LRFN5: variants seen among roughly 807,000 people sequenced by gnomAD.
LRFN5 encodes the protein leucine rich repeat and fibronectin type III domain containing 5, also known as leucine-rich repeat and fibronectin type-III domain-containing protein 5.
Under a neutral mutation model 45.6 loss-of-function variants are expected in LRFN5, and 24 were observed. The ratio of observed to expected loss-of-function variants is 0.53; its 90% CI spans 0.38 to 0.74. The LOEUF (loss-of-function observed/expected upper bound fraction) is 0.74. Among genes scored for constraint, LRFN5 ranks in the 30% least tolerant of loss-of-function variants. The pLI, the probability that LRFN5 is intolerant of heterozygous loss-of-function variation, is 0.00. For missense variants in LRFN5, 776 were observed against 861.5 expected, an observed-to-expected ratio of 0.90 and a Z score of 1.24; for synonymous variants, 340 against 313.8, an observed-to-expected ratio of 1.08 and a Z score of -0.88.
chr14:41,893,871 C>T, intron 4 of LRFN5: 1 of 985,248 alleles, frequency 1.0e-6, no homozygotes, highest in Non-Finnish European at 1.2e-6. Context: ...TCCTTCACTG[C>T]CCAGTTATTT....
chr14:41,841,295 A>C (rs1040227683), intron 2 of LRFN5, among the ~76,000 whole-genome samples: 3 of 151,974 alleles, frequency 2.0e-5, no homozygotes, highest in Non-Finnish European at 4.4e-5. Context: ...TTCTAGAATT[A>C]TACTTCATGT....
chr14:41,723,351 G>T (rs1883803887), intron 1 of LRFN5, among the ~76,000 whole-genome samples: 1 of 151,784 alleles, frequency 6.6e-6, no homozygotes, highest in East Asian at 1.9e-4. Flanking sequence ...CCCTGTACCA[G>T]GATCTCTACA....
At chr14:41,677,590 G>T (rs2138677614) in intron 1 of LRFN5, among the ~76,000 whole-genome samples, 1 of 152,200 alleles carries the variant, frequency 6.6e-6, no homozygotes, top group African/African-American at 2.4e-5. Flanking sequence ...TTCTGAAGTT[G>T]AAATGTAATA....
At chr14:41,740,807 A>AT (rs1031779388) in intron 1 of LRFN5, among the ~76,000 whole-genome samples, 3 of 152,142 alleles carry the variant, frequency 2.0e-5, no homozygotes, top group South Asian at 2.1e-4. Context: ...CAATGAGGTG[A>AT]TTTTTATTGT....
At chr14:41,700,501 CT>C (rs1180424988) in intron 1 of LRFN5, 2 of 151,680 alleles carry the variant, frequency 1.3e-5, no homozygotes, top group Middle Eastern at 3.4e-3. Context: ...GAAGCTTTTC[CT>C]TTTTTAAAAA....
At chr14:41,896,087 C>G (rs1310594931) in intron 4 of LRFN5, among the ~76,000 whole-genome samples, 1 of 151,878 alleles carries the variant, frequency 6.6e-6, no homozygotes, top group Non-Finnish European at 1.5e-5. Flanking sequence ...AAAAGTTGCC[C>G]TAAAATTTAC....
chr14:41,899,007 T>A, intron 5 of LRFN5, 47 bp downstream of exon 5: 1 of 1,413,892 alleles, frequency 7.1e-7, no homozygotes, highest in Non-Finnish European at 9.7e-7. Flanking sequence ...TAAATGGGTA[T>A]ACACTTTTTA....
chr14:41,753,446 C>A (rs1314849583), intron 1 of LRFN5, among the ~76,000 whole-genome samples: 4 of 152,188 alleles, frequency 2.6e-5, no homozygotes, highest in Admixed American at 6.5e-5. Flanking sequence ...TTTCATTGAG[C>A]AGTGGTTTGT....
chr14:41,898,529 A>G (rs1177401269), intron 4 of LRFN5, among the ~76,000 whole-genome samples: 1 of 151,914 alleles, frequency 6.6e-6, no homozygotes, highest in Non-Finnish European at 1.5e-5. Context: ...TTTTTCCTTG[A>G]TGTAATTTTG....
At chr14:41,893,370 G>A (rs1890845271) in intron 4 of LRFN5, 2 of 835,380 alleles carry the variant, frequency 2.4e-6, no homozygotes, top group Middle Eastern at 6.2e-4. Flanking sequence ...TCTATAAACA[G>A]TTACCATCAA....
intron 1 of LRFN5, among the ~76,000 whole-genome samples, chr14:41,692,785 CTT>C (rs1320301708): frequency 6.6e-6 from 1 of 152,026 alleles, no homozygotes; most frequent in African/African-American, 2.4e-5. Flanking sequence ...TGTTTTTTGT[CTT>C]CTCTTTAAGA....
At chr14:41,652,317 A>T (rs1880166777) in intron 1 of LRFN5, among the ~76,000 whole-genome samples, 1 of 152,098 alleles carries the variant, frequency 6.6e-6, no homozygotes, top group African/African-American at 2.4e-5. Context: ...GTAAGGAAAA[A>T]TTTTGGATAA....
chr14:41,791,405 A>G (rs570712797), intron 2 of LRFN5, among the ~76,000 whole-genome samples: 1 of 152,136 alleles, frequency 6.6e-6, no homozygotes, highest in South Asian at 2.1e-4. Flanking sequence ...TAATGAATGT[A>G]CTTGCTTCTA....
intron 2 of LRFN5, 96 bp from the exon 3 acceptor site, chr14:41,886,510 C>G: frequency 1.2e-6 from 1 of 810,958 alleles, no homozygotes; most frequent in Non-Finnish European, 1.8e-6. Context: ...AATTATTTCT[C>G]TATTCTAGAT....
At chr14:41,619,353 G>T (rs1162981026) in intron 1 of LRFN5, among the ~76,000 whole-genome samples, 2 of 151,758 alleles carry the variant, frequency 1.3e-5, no homozygotes, top group East Asian at 3.9e-4. Context: ...TAGGTCATGG[G>T]GCATTACAAT....
chr14:41,759,202 G>T (rs1156757796), intron 1 of LRFN5, among the ~76,000 whole-genome samples: 1 of 152,064 alleles, frequency 6.6e-6, no homozygotes, highest in Admixed American at 6.5e-5. Context: ...TGCTTCTCGT[G>T]CTTGTAGATA....
chr14:41,856,827 C>T (rs994179228), intron 2 of LRFN5, among the ~76,000 whole-genome samples: 2 of 147,478 alleles, frequency 1.4e-5, no homozygotes, highest in Non-Finnish European at 3.0e-5. Flanking sequence ...CAGGCGCCCG[C>T]CACTGCGCCC....
chr14:41,753,425 A>G (rs1049613853), intron 1 of LRFN5, among the ~76,000 whole-genome samples: 2 of 152,036 alleles, frequency 1.3e-5, no homozygotes, highest in African/African-American at 2.4e-5. Context: ...ATTTGTTTGT[A>G]TCCTCTTTTA....
intron 2 of LRFN5, among the ~76,000 whole-genome samples, chr14:41,799,939 GAAGGGAAAGGGA>G (rs920549896): frequency 6.6e-6 from 1 of 151,878 alleles, no homozygotes; most frequent in Non-Finnish European, 1.5e-5. Context: ...AAAGGAAAGG[GAAGGGAAAGGGA>G]AAGGGAAAGA....
Sources: gnomAD v4.1 joint callset for allele counts (sites outside exome capture counted in the v4.1 genomes callset) on GRCh38, gnomAD v4.1.1 for gene constraint, MANE v1.5 for transcripts, NCBI Gene and HGNC (gene_info 2026-07-23, HGNC 2026-07-21) for gene names.